The following SKI variants were observed in gnomAD, a reference collection of about 807,000 sequenced individuals.
SKI encodes the protein SKI proto-oncogene.
SKI carries 23 observed loss-of-function variants against 59.3 expected under a neutral mutation model. The ratio of observed to expected loss-of-function variants is 0.39; its 90% CI spans 0.28 to 0.55. SKI has a LOEUF of 0.55. Ranked by LOEUF, SKI falls within the 20% of genes least tolerant of loss-of-function variation. The pLI is 0.67. For missense variants in SKI, 1,017 were observed against 1,038.9 expected (o/e 0.98, Z 0.29); for synonymous variants, 673 against 488.6 (o/e 1.38, Z -4.98).
intron 1 of SKI, among the ~76,000 whole-genome samples, chr1:2,300,635 G>A (rs1640401048): frequency 1.3e-5 from 2 of 152,234 alleles, no homozygotes; most frequent in African/African-American, 4.8e-5. Flanking sequence ...GCCCACAGGG[G>A]CGCAGACACC....
At position 2,304,338 on chromosome 1, in the gene SKI, C is replaced by G; in HGVS notation, c.1520C>G (p.Ser507Cys). The G allele has an allele frequency of 1.3e-6, 2 of 1,551,650 alleles. No homozygotes were observed. Among genetic ancestry groups the G allele is most frequent in the South Asian group, 1.2e-5 (1 of 84,076 alleles). Reference sequence around the variant, plus strand: ...CTCTCTTCCCCGTCCTTTACCTCATCCAGCTCCGCCAAGGACCTGGGCTCC... The same window carrying G: ...CTCTCTTCCCCGTCCTTTACCTCATGCAGCTCCGCCAAGGACCTGGGCTCC... Reference protein sequence around the residue: ...SSLSSPSFTSSSSAKDLGSPG... With the variant: ...SSLSSPSFTSCSSAKDLGSPG... Residue 507 changes from serine to cysteine, a missense_variant, in exon 5 of 7, where the codon TCC becomes TGC. Physicochemically the swap from Ser to Cys is moderately radical, Grantham distance 112. Coordinates refer to ENST00000378536, the MANE Select transcript of SKI (RefSeq NM_003036.4).
rs925802830 is a variant in SKI at position 2,303,320 on chromosome 1, T to C, written c.1131T>C (p.Ser377=). ...GTGTTCACCCTCGCCAGCGCCTCTC[T>C]GCTTTCCGACCCTGGTCCCCCGCAG... The part of the protein sequence containing the change: ...LGCVHPRQRL[S]AFRPWSPAVS... The change falls in exon 3 of 7, where the codon TCT becomes TCC. Residue 377 remains serine (S), a synonymous_variant. Coordinates refer to ENST00000378536, the MANE Select transcript of SKI (RefSeq NM_003036.4). The surrounding 1 kb of genome is among the most constrained non-coding windows in gnomAD (Gnocchi z 5.6). 2 of 1,613,924 alleles carry C rather than the reference T, an allele frequency of 1.2e-6. No individual in the cohort carries two copies. The highest frequency in any genetic ancestry group is 1.7e-6 in the Non-Finnish European group (2 of 1,180,038).
chr1:2,277,265 T>C (rs1639763191), intron 1 of SKI, among the ~76,000 whole-genome samples: 2 of 152,168 alleles, frequency 1.3e-5, no homozygotes, highest in African/African-American at 4.8e-5. Flanking sequence ...AGCTAATTTT[T>C]GTAGTTTTAG....
intron 1 of SKI, among the ~76,000 whole-genome samples, chr1:2,230,164 C>T (rs1423386606): frequency 6.6e-6 from 1 of 152,222 alleles, no homozygotes; most frequent in Non-Finnish European, 1.5e-5. Flanking sequence ...GGTGGCTGTC[C>T]TCGCCCCGAA....
At chr1:2,250,015 C>T (rs1557819821) in intron 1 of SKI, among the ~76,000 whole-genome samples, 1 of 152,152 alleles carries the variant, frequency 6.6e-6, no homozygotes, top group Non-Finnish European at 1.5e-5. Flanking sequence ...AGTGATTCTC[C>T]TGCCTCAGCC....
chr1:2,304,471 C>T lies in SKI; in HGVS notation c.1653C>T (p.Gly551=), dbSNP rs1291082584. ...ELEHLRQALE[G]GLDTKEAKEK... ...AGCACCTGCGGCAGGCACTGGAGGG[C>T]GGCCTGGACACCAAGGAAGCCAAAG... The change falls in exon 5 of 7, where the codon GGC becomes GGT. Residue 551 remains glycine, a synonymous_variant. Transcript: ENST00000378536. 21 of 1,571,628 alleles carry T rather than the reference C, an allele frequency of 1.3e-5. No homozygotes were observed. The highest frequency in any genetic ancestry group is 7.1e-5 in the East Asian group (3 of 41,974).
Position 2,229,846 on chromosome 1 carries a change from C to G in SKI, c.969+111C>G, listed in dbSNP as rs532542077. On this transcript the variant is annotated intron_variant, in intron 1 of 6. Transcript: ENST00000378536. The surrounding 1 kb of genome is among the most constrained non-coding windows in gnomAD (Gnocchi z 6.3). Reference sequence around the variant, plus strand: ...TGGGACCTGTGCTTCTGCCGTGCCCCATGTCTCCAGTCTTCGCTTTGTTTT... The same window carrying G: ...TGGGACCTGTGCTTCTGCCGTGCCCGATGTCTCCAGTCTTCGCTTTGTTTT... 2 of 1,521,470 alleles carry G rather than the reference C, an allele frequency of 1.3e-6. No individual in the cohort carries two copies. Among genetic ancestry groups the G allele is most frequent in the Non-Finnish European group, 1.8e-6 (2 of 1,127,542 alleles). The allele number at this position is 1,521,470 out of a possible 1,614,324, so 94.2% of individuals were successfully genotyped here. A position where few individuals can be genotyped will look rare whatever the true frequency, so the allele number is the denominator to read the frequency against.
intron 1 of SKI, among the ~76,000 whole-genome samples, chr1:2,290,364 T>A (rs1327237500): frequency 6.6e-6 from 1 of 152,166 alleles, no homozygotes; most frequent in Non-Finnish European, 1.5e-5. Flanking sequence ...GCCAGCCTTC[T>A]GTGCGGGACA....
Position 2,303,073 on chromosome 1 carries a change from G to T in SKI, c.1065G>T (p.Trp355Cys). Residue 355 changes from tryptophan (W) to cysteine (C), a missense_variant, in exon 2 of 7, where the codon TGG becomes TGT. Physicochemically the swap from Trp to Cys is radical, Grantham distance 215. Transcript: ENST00000378536. The surrounding 1 kb of genome is among the most constrained non-coding windows in gnomAD (Gnocchi z 5.6). ...APSEKDKPSS[W>C]LRTLAGSSNK... ...CCGAAAAGGACAAGCCGTCCAGCTG[G>T]CTGCGGACCTTGGCCGGCTCTTCCA... The T allele has an allele frequency of 6.2e-7, 1 of 1,613,560 alleles. No homozygotes were observed. Among genetic ancestry groups the T allele is most frequent in the Non-Finnish European group, 8.5e-7 (1 of 1,180,036 alleles).
At chr1:2,299,651 T>C (rs1640376599) in intron 1 of SKI, among the ~76,000 whole-genome samples, 1 of 152,112 alleles carries the variant, frequency 6.6e-6, no homozygotes, top group Non-Finnish European at 1.5e-5. Context: ...CAGCCCCCAC[T>C]CATGTTGTGC....
At chr1:2,291,481 G>C (rs1052032071) in intron 1 of SKI, among the ~76,000 whole-genome samples, 20 of 152,238 alleles carry the variant, frequency 1.3e-4, no homozygotes, top group African/African-American at 4.8e-4. Context: ...TGGCAGCACT[G>C]CCTGGCCATT....
At chr1:2,259,961 A>G (rs1639349782) in intron 1 of SKI, among the ~76,000 whole-genome samples, 1 of 152,234 alleles carries the variant, frequency 6.6e-6, no homozygotes, top group South Asian at 2.1e-4. Flanking sequence ...TCACAAAGAA[A>G]GCGGCTGTGA....
chr1:2,237,437 C>G (rs1470403323), intron 1 of SKI, among the ~76,000 whole-genome samples: 2 of 152,200 alleles, frequency 1.3e-5, no homozygotes, highest in African/African-American at 2.4e-5. Flanking sequence ...CCAGGAGAGC[C>G]AGGTGTCCGC....
rs1638594656 is a variant in SKI, at chr1:2,229,949, G to C, written c.969+214G>C. ...CCCTCCTGCCCGTTCCCCAGGACGA[G>C]CCTGGAGTGCGGGCTGTGGCGGTGG... On this transcript the variant is annotated intron_variant, in intron 1 of 6. Transcript: ENST00000378536. The surrounding 1 kb of genome is among the most constrained non-coding windows in gnomAD (Gnocchi z 6.3). Among the ~76,000 whole-genome samples the C allele has an allele frequency of 1.3e-5, 2 of 152,226 alleles. No individual in the cohort carries two copies. Among genetic ancestry groups the C allele is most frequent in the Non-Finnish European group, 2.9e-5 (2 of 68,030 alleles).
intron 1 of SKI, among the ~76,000 whole-genome samples, chr1:2,285,234 C>T (rs1219139273): frequency 2.0e-5 from 3 of 152,074 alleles, no homozygotes; most frequent in Non-Finnish European, 4.4e-5. Context: ...TCTTCCAGGC[C>T]GGTCGCAGTG....
At position 2,229,766 on chromosome 1, in the gene SKI, G is replaced by A. The variant is rs1406757051; in HGVS notation, c.969+31G>A. The A allele has an allele frequency of 1.9e-6, 3 of 1,550,240 alleles. No homozygotes were observed. Among genetic ancestry groups the A allele is most frequent in the Non-Finnish European group, 2.6e-6 (3 of 1,147,148 alleles). The stretch of plus-strand genomic sequence containing the variant: ...TGGCCCCAGGCCTGGGAGCTGGGGA[G>A]GATGCGCTTGGGGTGGGGGCCCCTT... On this transcript the variant is annotated intron_variant, in intron 1 of 6. Transcript: ENST00000378536. The surrounding 1 kb of genome is among the most constrained non-coding windows in gnomAD (Gnocchi z 6.3).
chr1:2,245,259 C>G (rs534477099), intron 1 of SKI, among the ~76,000 whole-genome samples: 140 of 152,296 alleles, frequency 9.2e-4, no homozygotes, highest in African/African-American at 3.2e-3. Flanking sequence ...GCCTGTGTCA[C>G]AGTCTCCTTC....
intron 1 of SKI, among the ~76,000 whole-genome samples, chr1:2,282,799 G>A (rs930389403): frequency 6.6e-6 from 1 of 151,492 alleles, no homozygotes; most frequent in African/African-American, 2.4e-5. Flanking sequence ...TCCTGTCCTT[G>A]GCGCCCAGCA....
At chr1:2,243,300 G>A (rs1294190435) in intron 1 of SKI, among the ~76,000 whole-genome samples, 1 of 152,268 alleles carries the variant, frequency 6.6e-6, no homozygotes, top group Non-Finnish European at 1.5e-5. Context: ...ATGTCAGTGT[G>A]CTCCGCGTAC....
Sources: gnomAD v4.1 joint callset for allele counts (sites outside exome capture counted in the v4.1 genomes callset) on GRCh38, gnomAD v4.1.1 for gene constraint, Gnocchi (gnomAD v3.1) non-coding constraint, MANE v1.5 for transcripts, NCBI Gene and HGNC (gene_info 2026-07-23, HGNC 2026-07-21) for gene names.